ACCSL: variants seen among roughly 807,000 people sequenced by gnomAD.
ACCSL encodes the protein probable inactive 1-aminocyclopropane-1-carboxylate synthase-like protein 2.
A neutral mutation model predicts 61.7 loss-of-function variants in ACCSL; 55 were observed. The ratio of observed to expected loss-of-function variants is 0.89; its 90% CI spans 0.72 to 1.12. The LOEUF is 1.12. ACCSL is among the 50% of genes most tolerant of loss of function. The pLI, the probability that ACCSL is intolerant of heterozygous loss-of-function variation, is 0.00. For synonymous variants in ACCSL, 258 were observed against 264.3 expected (o/e 0.98, Z 0.23); for missense variants, 632 against 698.0 (o/e 0.91, Z 1.07).
chr11:43,969,460 C>T, the ACCSL span, among the ~76,000 whole-genome samples: 1,768 of 152,228 alleles, frequency 0.012, 31 homozygotes, highest in African/African-American at 0.04. Flanking sequence ...AAATTTTTTA[C>T]GAAGATTAGT....
At chr11:43,954,828 A>G in the ACCSL span, among the ~76,000 whole-genome samples, 1 of 151,548 alleles carries the variant, frequency 6.6e-6, no homozygotes, top group South Asian at 2.1e-4. Context: ...CAAGTGATCC[A>G]CCTGCCTCAG....
At chr11:44,003,023 G>A in the ACCSL span, among the ~76,000 whole-genome samples, 3 of 152,168 alleles carry the variant, frequency 2.0e-5, no homozygotes, top group Non-Finnish European at 4.4e-5. Flanking sequence ...TTGCTTAAGC[G>A]TGGTGAGGGG....
At chr11:44,017,126 C>T in the ACCSL span, among the ~76,000 whole-genome samples, 1 of 152,174 alleles carries the variant, frequency 6.6e-6, no homozygotes, top group Non-Finnish European at 1.5e-5. Flanking sequence ...AGCAGCCACC[C>T]AATACCCAAT....
At chr11:44,042,932 A>AAT in the ACCSL span, among the ~76,000 whole-genome samples, 1 of 151,856 alleles carries the variant, frequency 6.6e-6, no homozygotes, top group Admixed American at 6.6e-5. Context: ...AATACAACAA[A>AAT]ATTAGCTGGG....
chr11:43,960,243 A>G, the ACCSL span, among the ~76,000 whole-genome samples: 3 of 152,226 alleles, frequency 2.0e-5, no homozygotes, highest in East Asian at 5.8e-4. Context: ...TTAGTCTGCC[A>G]TGGAATGCCA....
At chr11:43,991,117 G>T in the ACCSL span, among the ~76,000 whole-genome samples, 5 of 152,074 alleles carry the variant, frequency 3.3e-5, no homozygotes, top group African/African-American at 1.2e-4. Context: ...GGGTTTTGGA[G>T]TCAGAGAGAT....
chr11:43,944,008 T>C, the ACCSL span: 1 of 537,262 alleles, frequency 1.9e-6, no homozygotes, highest in Non-Finnish European at 2.9e-6. Flanking sequence ...CTCCACAAGC[T>C]TCGGTCACCG....
At chr11:44,052,939 A>C in intron 6 of ACCSL, 52 bp from the exon 7 acceptor site, 1 of 1,567,794 alleles carries the variant, frequency 6.4e-7, no homozygotes, top group Non-Finnish European at 8.8e-7. Flanking sequence ...GGGAATGAGG[A>C]ATCAAGACTT....
the ACCSL span, among the ~76,000 whole-genome samples, chr11:44,003,713 C>G: frequency 6.6e-6 from 1 of 152,090 alleles, no homozygotes; most frequent in Non-Finnish European, 1.5e-5. Flanking sequence ...CTCTTTTCAT[C>G]CTATACAACC....
rs1487994793 is a variant in ACCSL at position 44,056,029 on chromosome 11, T to G, written c.1140-11T>G. The G allele has an allele frequency of 6.2e-7, 1 of 1,614,032 alleles. No individual in the cohort carries two copies. The highest frequency in any genetic ancestry group is 1.7e-5 in the Admixed American group (1 of 60,022). ...CTATAACCTTAGTTAATTTTTCCAC[T>G]TCTTCTTCAGTTTGCCTGATAGCAA... On this transcript the variant is annotated splice_polypyrimidine_tract_variant and intron_variant, in intron 9 of 13. Transcript: ENST00000378832.
chr11:44,017,042 G>A, the ACCSL span, among the ~76,000 whole-genome samples: 2 of 152,164 alleles, frequency 1.3e-5, no homozygotes, highest in African/African-American at 4.8e-5. Context: ...GGAGAAACAA[G>A]TCACTTTGAA....
the ACCSL span, among the ~76,000 whole-genome samples, chr11:43,949,769 C>T: frequency 2.7e-4 from 41 of 152,054 alleles, no homozygotes; most frequent in Non-Finnish European, 1.2e-4. Context: ...GAGCCAAGAT[C>T]GCACCACTGC....
chr11:43,981,023 G>A, the ACCSL span, among the ~76,000 whole-genome samples: 6 of 152,192 alleles, frequency 3.9e-5, no homozygotes, highest in African/African-American at 1.4e-4. Flanking sequence ...CCGGAAAGAA[G>A]GATTTGAATG....
chr11:43,974,966 G>C, the ACCSL span, among the ~76,000 whole-genome samples: 2 of 152,138 alleles, frequency 1.3e-5, no homozygotes, highest in East Asian at 3.8e-4. Context: ...CACTAATTTT[G>C]GTGTAATTTG....
chr11:43,942,550 C>A, the ACCSL span: 1 of 282,036 alleles, frequency 3.5e-6, no homozygotes, highest in South Asian at 2.7e-5. Flanking sequence ...GGCGCGCACG[C>A]TTTAAATGGC....
At chr11:44,002,710 T>A in the ACCSL span, among the ~76,000 whole-genome samples, 1 of 152,150 alleles carries the variant, frequency 6.6e-6, no homozygotes, top group African/African-American at 2.4e-5. Flanking sequence ...CTGAATGCTG[T>A]GTGATCTGAG....
At chr11:43,956,791 G>T in the ACCSL span, among the ~76,000 whole-genome samples, 3 of 152,176 alleles carry the variant, frequency 2.0e-5, no homozygotes. Flanking sequence ...ATCAATTGAG[G>T]TTTATTGAGC....
At chr11:44,040,908 G>T in the ACCSL span, among the ~76,000 whole-genome samples, 9,058 of 152,194 alleles carry the variant, frequency 0.06, 492 homozygotes, top group African/African-American at 0.14. Context: ...GGGGCCTGAG[G>T]TTGACCAACT....
the ACCSL span, among the ~76,000 whole-genome samples, chr11:43,946,345 T>G: frequency 6.6e-6 from 1 of 152,062 alleles, no homozygotes. Flanking sequence ...TGACCTGCCC[T>G]CCACGGCTTC....
Sources: gnomAD v4.1 joint callset for allele counts (sites outside exome capture counted in the v4.1 genomes callset) on GRCh38, gnomAD v4.1.1 for gene constraint, MANE v1.5 for transcripts, NCBI Gene and HGNC (gene_info 2026-07-23, HGNC 2026-07-21) for gene names.